Variants in SLC44A3 observed in about 807,000 individuals in gnomAD.
SLC44A3 encodes choline transporter-like protein 3.
SLC44A3 carries 74 observed loss-of-function variants against 75.4 expected under a neutral mutation model. The observed-to-expected ratio is 0.98, with a 90% CI of 0.81 to 1.19. The LOEUF is 1.19. SLC44A3 is among the 50% of genes most tolerant of loss of function. The pLI, the probability that SLC44A3 is intolerant of heterozygous loss-of-function variation, is 0.00. For missense variants in SLC44A3, 700 were observed against 778.6 expected, an observed-to-expected ratio of 0.90 and a Z score of 1.20; for synonymous variants, 310 against 296.9, an observed-to-expected ratio of 1.04 and a Z score of -0.45.
At chr1:94,834,446 A>C (rs953255163) in intron 5 of SLC44A3, among the ~76,000 whole-genome samples, 1 of 152,208 alleles carries the variant, frequency 6.6e-6, no homozygotes, top group Non-Finnish European at 1.5e-5. Flanking sequence ...GATATGAATA[A>C]ATAATTGAAT....
At chr1:94,834,609 C>T (rs959612429) in intron 5 of SLC44A3, among the ~76,000 whole-genome samples, 2 of 151,976 alleles carry the variant, frequency 1.3e-5, no homozygotes, top group Non-Finnish European at 2.9e-5. Context: ...CTCAGCCTCC[C>T]GAGTAGCTGG....
At chr1:94,888,060 C>G (rs912362108) in intron 12 of SLC44A3, among the ~76,000 whole-genome samples, 1 of 152,178 alleles carries the variant, frequency 6.6e-6, no homozygotes, top group Admixed American at 6.5e-5. Context: ...ATCCTCCCAA[C>G]ATCCCTTTGC....
At position 94,820,421 on chromosome 1, in the gene SLC44A3, C is replaced by T; in HGVS notation, c.-31C>T. ...CGCGTACAGGAGGCGGCGGCGGCTCCCAGTCACCGGCCCCCGCCGGCGAGC... is the reference window on the plus strand; with the variant it reads ...CGCGTACAGGAGGCGGCGGCGGCTCTCAGTCACCGGCCCCCGCCGGCGAGC... On this transcript the variant is annotated 5_prime_UTR_variant, in exon 1 of 15. Transcript: ENST00000271227. The T allele has an allele frequency of 1.4e-6, 2 of 1,452,098 alleles. No homozygotes were observed. Among genetic ancestry groups the T allele is most frequent in the Middle Eastern group, 2.4e-4 (1 of 4,226 alleles). The allele number at this position is 1,452,098 out of a possible 1,614,324, so 90.0% of individuals were successfully genotyped here.
intron 4 of SLC44A3, among the ~76,000 whole-genome samples, chr1:94,827,851 C>T (rs1661577390): frequency 6.6e-6 from 1 of 152,122 alleles, no homozygotes; most frequent in Non-Finnish European, 1.5e-5. Flanking sequence ...TTATCTGAAG[C>T]CCTAGCTATT....
At position 94,821,015 on chromosome 1, in the gene SLC44A3, A is replaced by C; in HGVS notation, c.94A>C (p.Thr32Pro). The change falls in exon 2 of 15, where the codon ACG (threonine) becomes CCG (proline). Residue 32 changes from threonine to proline, a missense_variant. Transcript: ENST00000271227. ...CCAGATTTATAGGAAATGCACAGAT[A>C]CGGCATGGTTATTCCTGTTCTTTCT... ...RPQIYRKCTD[T>P]AWLFLFFLFW... 1.9e-6 allele frequency: 3 copies of C among 1,551,584 alleles called. No homozygotes were observed. Among genetic ancestry groups the C allele is most frequent in the Non-Finnish European group, 1.7e-6 (2 of 1,146,908 alleles).
In SLC44A3 at chr1:94,830,414, T is replaced by G. The variant is rs191868587; in HGVS notation, c.509+1828T>G. Reference sequence around the variant, plus strand: ...TTTTAGTAGAGATGGGGTTTCTCCATGTTGGCCAGGATGGTCTTGATCTCG... The same window carrying G: ...TTTTAGTAGAGATGGGGTTTCTCCAGGTTGGCCAGGATGGTCTTGATCTCG... On this transcript the variant is annotated intron_variant, in intron 5 of 14. Coordinates refer to ENST00000271227, the MANE Select transcript of SLC44A3 (RefSeq NM_001114106.3). Among the ~76,000 whole-genome samples, 4 of 152,240 alleles carry G rather than the reference T, an allele frequency of 2.6e-5. No homozygotes were observed. The East Asian group carries it at 7.7e-4, about 29-fold the overall frequency.
intron 9 of SLC44A3, among the ~76,000 whole-genome samples, chr1:94,848,303 T>C (rs1261698550): frequency 6.7e-6 from 1 of 150,114 alleles, no homozygotes; most frequent in Non-Finnish European, 1.5e-5. Flanking sequence ...AGTTGGCTGG[T>C]GGATGTGGGC....
chr1:94,865,651 A>C (rs1378843803), intron 11 of SLC44A3, among the ~76,000 whole-genome samples: 1 of 152,160 alleles, frequency 6.6e-6, no homozygotes, highest in Non-Finnish European at 1.5e-5. Context: ...ACAAGAGAAG[A>C]TTGGACTTTT....
chr1:94,889,522 AAT>A (rs1491316748), intron 12 of SLC44A3, among the ~76,000 whole-genome samples: 4 of 72,768 alleles, frequency 5.5e-5, no homozygotes, highest in Admixed American at 2.6e-4. Flanking sequence ...ATGTGAACAT[AAT>A]CACACACACA....
intron 12 of SLC44A3, among the ~76,000 whole-genome samples, chr1:94,871,484 C>A (rs570892454): frequency 1.3e-5 from 2 of 152,326 alleles, no homozygotes; most frequent in African/African-American, 4.8e-5. Flanking sequence ...CACTGTGAGA[C>A]TACAGGCTAA....
intron 12 of SLC44A3, among the ~76,000 whole-genome samples, chr1:94,877,232 G>A (rs1668391837): frequency 6.6e-6 from 1 of 151,942 alleles, no homozygotes; most frequent in Non-Finnish European, 1.5e-5. Context: ...ATGTGGGGCT[G>A]GAGGAAACCT....
chr1:94,889,793 GA>G (rs1031942633), intron 12 of SLC44A3, among the ~76,000 whole-genome samples: 1 of 150,650 alleles, frequency 6.6e-6, no homozygotes, highest in African/African-American at 2.4e-5. Context: ...ATTATACAAA[GA>G]AAAAAGCCAG....
Position 94,820,474 on chromosome 1 carries a change from A to G in SLC44A3, c.23A>G (p.Tyr8Cys). Reference sequence around the variant, plus strand: ...ACGATGCACTGCCTGGGCGCCGAGTACCTGGTAAGCGCTCGCAGCCTCGGC... The same window carrying G: ...ACGATGCACTGCCTGGGCGCCGAGTGCCTGGTAAGCGCTCGCAGCCTCGGC... MHCLGAE[Y>C]LVSAEGAPRQ... The change falls in exon 1 of 15, where the codon TAC becomes TGC. Residue 8 changes from tyrosine to cysteine, a missense_variant. Tyr to Cys is a radical substitution (Grantham distance 194). Coordinates refer to ENST00000271227, the MANE Select transcript of SLC44A3 (RefSeq NM_001114106.3). 7 of 1,495,926 alleles carry G rather than the reference A, an allele frequency of 4.7e-6. No homozygotes were observed. The highest frequency in any genetic ancestry group is 6.2e-6 in the Non-Finnish European group (7 of 1,126,322). 92.7% of individuals were successfully genotyped at this position (1,495,926 alleles called of 1,614,324 possible). A position where few individuals can be genotyped will look rare whatever the true frequency, so the allele number is the denominator to read the frequency against.
intron 10 of SLC44A3, among the ~76,000 whole-genome samples, chr1:94,864,150 C>T (rs1222186123): frequency 1.3e-5 from 2 of 152,090 alleles, no homozygotes; most frequent in African/African-American, 2.4e-5. Flanking sequence ...TTGGGAGCTG[C>T]GTCATGACAA....
chr1:94,850,034 C>T (rs1665001100), intron 9 of SLC44A3, among the ~76,000 whole-genome samples: 1 of 152,110 alleles, frequency 6.6e-6, no homozygotes, highest in Admixed American at 6.5e-5. Context: ...AGGCGTGAGC[C>T]ACCCAAATAG....
intron 12 of SLC44A3, among the ~76,000 whole-genome samples, chr1:94,885,944 A>C (rs553721350): frequency 6.6e-6 from 1 of 152,364 alleles, no homozygotes; most frequent in South Asian, 2.1e-4. Flanking sequence ...AGCTATCATT[A>C]GGTCTGTGCC....
chr1:94,847,734 T>A (rs1664600586), intron 9 of SLC44A3, among the ~76,000 whole-genome samples: 1 of 152,192 alleles, frequency 6.6e-6, no homozygotes, highest in Non-Finnish European at 1.5e-5. Flanking sequence ...CCCCCAGGCA[T>A]CACAGTCCCC....
intron 3 of SLC44A3, 153 bp from the exon 4 acceptor site, chr1:94,827,354 G>A (rs148559166): frequency 1.8e-5 from 16 of 866,406 alleles, no homozygotes; most frequent in East Asian, 1.5e-4. Flanking sequence ...CCACCAGTAG[G>A]CATCATAAAT....
At chr1:94,836,880 C>T (rs1662876888) in intron 5 of SLC44A3, 1 of 144,410 alleles carries the variant, frequency 6.9e-6, no homozygotes, top group South Asian at 2.2e-4. Flanking sequence ...CACTGTACTC[C>T]AGCGTGGGTG....
Sources: allele counts gnomAD v4.1 joint callset (sites outside exome capture counted in the v4.1 genomes callset), GRCh38; gene constraint gnomAD v4.1.1; transcripts MANE v1.5; gene names NCBI Gene and HGNC (gene_info 2026-07-23, HGNC 2026-07-21).